PBX1: variants seen among roughly 807,000 people sequenced by gnomAD.
The protein encoded by PBX1 is pre-B-cell leukemia transcription factor 1.
Under a neutral mutation model 53.4 loss-of-function variants are expected in PBX1, and 6 were observed. That is an observed-to-expected ratio of 0.11 (90% CI 0.06 to 0.22). The LOEUF is 0.22. Ranked by LOEUF, PBX1 falls within the 10% of genes least tolerant of loss-of-function variation. The pLI, the probability that PBX1 is intolerant of heterozygous loss-of-function variation, is 1.00. For synonymous variants in PBX1, 204 were observed against 212.3 expected (o/e 0.96, Z 0.34); for missense variants, 251 against 551.4 (o/e 0.46, Z 5.46).
At chr1:164,638,218 G>A (rs1179417946) in intron 2 of PBX1, among the ~76,000 whole-genome samples, 1 of 152,214 alleles carries the variant, frequency 6.6e-6, no homozygotes, top group Non-Finnish European at 1.5e-5. Context: ...GGTCACTTGC[G>A]CAGATTTCTG....
chr1:164,780,012 T>G (rs544050076), intron 2 of PBX1, among the ~76,000 whole-genome samples: 1 of 152,326 alleles, frequency 6.6e-6, no homozygotes, highest in South Asian at 2.1e-4. Flanking sequence ...TGTCACCCGT[T>G]GATGCATTTA....
At chr1:164,623,776 G>T (rs1339835832) in intron 2 of PBX1, among the ~76,000 whole-genome samples, 1 of 152,144 alleles carries the variant, frequency 6.6e-6, no homozygotes, top group African/African-American at 2.4e-5. Flanking sequence ...AACTCGAGTC[G>T]TGCCTAACGA....
chr1:164,847,505 A>C lies in PBX1; in HGVS notation c.*829A>C, dbSNP rs1221689739. ...GAGACCATTCAGCACTGAGAAAGCAATATTTAGAACCTATTGCAAAACTGG... is the reference window on the plus strand; with the variant it reads ...GAGACCATTCAGCACTGAGAAAGCACTATTTAGAACCTATTGCAAAACTGG... On this transcript the variant is annotated 3_prime_UTR_variant, in exon 9 of 9. Transcript: ENST00000420696. 1.1e-5 allele frequency: 12 copies of C among 1,061,848 alleles called. No homozygotes were observed. Among genetic ancestry groups the C allele is most frequent in the African/African-American group, 1.6e-5 (1 of 60,900 alleles). The allele number at this position is 1,061,848 out of a possible 1,614,324, so 65.8% of individuals were successfully genotyped here. A position where few individuals can be genotyped will look rare whatever the true frequency, so the allele number is the denominator to read the frequency against.
chr1:164,748,106 C>G (rs1665996437), intron 2 of PBX1, among the ~76,000 whole-genome samples: 1 of 152,108 alleles, frequency 6.6e-6, no homozygotes, highest in Non-Finnish European at 1.5e-5. Context: ...CAAGCCACAG[C>G]TAATTATACA....
intron 2 of PBX1, among the ~76,000 whole-genome samples, chr1:164,673,483 T>TTTC (rs1661229974): frequency 6.8e-6 from 1 of 148,106 alleles, no homozygotes; most frequent in Non-Finnish European, 1.5e-5. Flanking sequence ...TTTTTTTTTT[T>TTTC]TTTTTGAGAC....
At chr1:164,794,573 G>A (rs897599739) in intron 3 of PBX1, among the ~76,000 whole-genome samples, 4 of 152,160 alleles carry the variant, frequency 2.6e-5, no homozygotes, top group Non-Finnish European at 5.9e-5. Flanking sequence ...GGCTCATATA[G>A]ACATTTCCCC....
chr1:164,792,608 C>T lies in PBX1; in HGVS notation c.380C>T (p.Ala127Val), dbSNP rs1349939044. ...VAGPEKGGGS[A>V]AAAAAAAASG... ...GGGCCTGAGAAGGGCGGAGGGTCGGCGGCAGCGGCGGCAGCGGCGGCGGCT... is the reference window on the plus strand; with the variant it reads ...GGGCCTGAGAAGGGCGGAGGGTCGGTGGCAGCGGCGGCAGCGGCGGCGGCT... Residue 127 changes from alanine (A) to valine (V), a missense_variant, in exon 3 of 9, where the codon GCG becomes GTG. This residue lies in a region of PBX1 where 76 missense variants were observed against 197.5 expected (regional missense o/e 0.38). Transcript: ENST00000420696. 5.0e-6 allele frequency: 8 copies of T among 1,612,830 alleles called. No homozygotes were observed. The highest frequency in any genetic ancestry group is 1.6e-4 in the Middle Eastern group (1 of 6,064).
intron 2 of PBX1, among the ~76,000 whole-genome samples, chr1:164,863,328 G>T (rs1430225794): frequency 1.3e-5 from 2 of 152,186 alleles, no homozygotes; most frequent in Non-Finnish European, 2.9e-5. Flanking sequence ...GCTCAGTGAT[G>T]TTTATTTCTT....
At chr1:164,842,186 G>A (rs952177080) in intron 8 of PBX1, among the ~76,000 whole-genome samples, 1 of 152,164 alleles carries the variant, frequency 6.6e-6, no homozygotes, top group African/African-American at 2.4e-5. Context: ...GCAACTATCT[G>A]TGGTCCCCGT....
At chr1:164,765,654 C>G (rs1667024153) in intron 2 of PBX1, among the ~76,000 whole-genome samples, 1 of 152,260 alleles carries the variant, frequency 6.6e-6, no homozygotes, top group East Asian at 1.9e-4. Context: ...GTGGTTCTCC[C>G]CAGTTTACAG....
At chr1:164,692,656 A>G (rs1216058628) in intron 2 of PBX1, among the ~76,000 whole-genome samples, 2 of 152,152 alleles carry the variant, frequency 1.3e-5, no homozygotes, top group African/African-American at 4.8e-5. Flanking sequence ...AGCGTGGGGA[A>G]TAGGGTTAAC....
At chr1:164,885,483 T>C (rs964023673) in intron 2 of PBX1, among the ~76,000 whole-genome samples, 19 of 152,204 alleles carry the variant, frequency 1.2e-4, no homozygotes, top group Admixed American at 3.3e-4. Flanking sequence ...TGCTTCATGC[T>C]TCTAGGCTTT....
chr1:164,843,243 C>T (rs867852132), intron 8 of PBX1, among the ~76,000 whole-genome samples: 131 of 152,298 alleles, frequency 8.6e-4, no homozygotes, highest in Middle Eastern at 3.4e-3. Context: ...TCCTATAAAG[C>T]ACCTCTAGAG....
At position 164,849,448 on chromosome 1, in the gene PBX1, G is replaced by T. The variant is rs941312781; in HGVS notation, c.*2772G>T. ...AGCAGGAGAACACTGAGAGCAGCAG[G>T]ATGGGTTTGGAAAGAGCATGCCTCT... On this transcript the variant is annotated 3_prime_UTR_variant, in exon 9 of 9. Transcript: ENST00000420696. 2 of 1,535,054 alleles carry T rather than the reference G, an allele frequency of 1.3e-6. No individual in the cohort carries two copies. Among genetic ancestry groups the T allele is most frequent in the Non-Finnish European group, 1.7e-6 (2 of 1,146,506 alleles).
At chr1:164,622,065 G>A (rs1311474338) in intron 2 of PBX1, among the ~76,000 whole-genome samples, 1 of 152,192 alleles carries the variant, frequency 6.6e-6, no homozygotes, top group South Asian at 2.1e-4. Flanking sequence ...AGTTTACCCA[G>A]CCTCTCTTCT....
At chr1:164,870,278 T>TCC (rs1672334519) in intron 2 of PBX1, among the ~76,000 whole-genome samples, 4 of 23,816 alleles carry the variant, frequency 1.7e-4, no homozygotes, top group African/African-American at 5.3e-4. Context: ...TCTTTCTTTC[T>TCC]TTCTTTCTTT....
intron 2 of PBX1, among the ~76,000 whole-genome samples, chr1:164,859,510 T>C (rs1439556446): frequency 6.6e-6 from 1 of 152,224 alleles, no homozygotes; most frequent in African/African-American, 2.4e-5. Flanking sequence ...GTCCTAGCTC[T>C]CTGCACATCA....
At chr1:164,866,183 T>C (rs941455742) in intron 2 of PBX1, among the ~76,000 whole-genome samples, 4 of 152,260 alleles carry the variant, frequency 2.6e-5, no homozygotes, top group Admixed American at 6.5e-5. Flanking sequence ...CATTATTCTG[T>C]AACTTATGTG....
chr1:164,694,351 A>G (rs769316550), intron 2 of PBX1, among the ~76,000 whole-genome samples: 16 of 152,198 alleles, frequency 1.1e-4, no homozygotes, highest in African/African-American at 3.1e-4. Context: ...CTAAATACCT[A>G]TGGCTCACAA....
Sources: gnomAD v4.1 joint callset for allele counts (sites outside exome capture counted in the v4.1 genomes callset) on GRCh38, gnomAD v4.1.1 for gene constraint, gnomAD v4.1.1 regional missense constraint, MANE v1.5 for transcripts, NCBI Gene and HGNC (gene_info 2026-07-23, HGNC 2026-07-21) for gene names.